LIMA1: variants seen among roughly 807,000 people sequenced by gnomAD.
LIMA1 encodes LIM domain and actin-binding protein 1.
In LIMA1, 52 loss-of-function variants were observed where a neutral mutation model predicts 62.6. The observed-to-expected ratio is 0.83, with a 90% CI of 0.67 to 1.05. The LOEUF (loss-of-function observed/expected upper bound fraction) is 1.05, where lower values mean the gene tolerates loss of function less well. Among genes scored for constraint, LIMA1 ranks in the 50% least tolerant of loss-of-function variants. LIMA1 has a pLI of 0.00. For synonymous variants in LIMA1, 302 were observed against 317.8 expected (o/e 0.95, Z 0.53); for missense variants, 780 against 902.2 (o/e 0.86, Z 1.74).
chr12:50,280,646 G>A (rs1383762715), intron 1 of LIMA1, among the ~76,000 whole-genome samples: 1 of 152,126 alleles, frequency 6.6e-6, no homozygotes, highest in Non-Finnish European at 1.5e-5. Flanking sequence ...TATGAAAAGA[G>A]GTCTTCAGTA....
chr12:50,270,604 C>CAAAAAAAAAAAAAAA (rs150300834), intron 1 of LIMA1, among the ~76,000 whole-genome samples: 1 of 71,694 alleles, frequency 1.4e-5, no homozygotes, highest in Non-Finnish European at 2.6e-5. Flanking sequence ...GACCTTATCT[C>CAAAAAAAAAAAAAAA]AAAAAAAAAA....
At chr12:50,255,998 T>TC (rs796442707) in intron 1 of LIMA1, among the ~76,000 whole-genome samples, 4 of 152,078 alleles carry the variant, frequency 2.6e-5, no homozygotes, top group African/African-American at 9.6e-5. Context: ...CAAGCAATTG[T>TC]CCTGCCTCAG....
At chr12:50,257,635 G>C (rs1325925816) in intron 1 of LIMA1, among the ~76,000 whole-genome samples, 1 of 152,168 alleles carries the variant, frequency 6.6e-6, no homozygotes, top group Non-Finnish European at 1.5e-5. Flanking sequence ...AAGCTCAGTG[G>C]GCTGCCTTTG....
Position 50,177,257 on chromosome 12 carries a change from T to G in LIMA1, c.2087A>C (p.Gln696Pro), listed in dbSNP as rs137923781. 11 of 1,614,024 alleles carry G rather than the reference T, an allele frequency of 6.8e-6. No homozygotes were observed. The highest frequency in any genetic ancestry group is 9.3e-6 in the Non-Finnish European group (11 of 1,180,020). ...SDEDDNSFLK[Q>P]QSPQEPKSLN... ...AGACTTGGGTTCTTGTGGAGATTGT[T>G]GTTTGAGGAAGCTGTTATCATCTTC... is the stretch of plus-strand genomic sequence containing the variant. Residue 696 changes from glutamine to proline, a missense_variant, in exon 11 of 11, where the codon CAA (glutamine) becomes CCA (proline). Transcript: ENST00000341247.
intron 1 of LIMA1, among the ~76,000 whole-genome samples, chr12:50,263,721 C>T (rs1942098700): frequency 6.6e-6 from 1 of 150,820 alleles, no homozygotes; most frequent in Non-Finnish European, 1.5e-5. Flanking sequence ...CTTTGGAAAA[C>T]AGTCTGGTGG....
At chr12:50,192,412 G>C (rs1377418185) in intron 9 of LIMA1, 40 bp downstream of exon 9, 10 of 1,308,198 alleles carry the variant, frequency 7.6e-6, no homozygotes, top group Middle Eastern at 1.8e-4. Flanking sequence ...TCTACCAGTA[G>C]ACCAATGTCC....
At chr12:50,254,157 C>T (rs1177388670) in intron 1 of LIMA1, among the ~76,000 whole-genome samples, 1 of 152,058 alleles carries the variant, frequency 6.6e-6, no homozygotes, top group Non-Finnish European at 1.5e-5. Flanking sequence ...CATTCTACTA[C>T]CACATGAACT....
At chr12:50,193,631 CGT>C (rs67491136) in intron 8 of LIMA1, among the ~76,000 whole-genome samples, 25,501 of 85,592 alleles carry the variant, frequency 0.3, 4,622 homozygotes, top group South Asian at 0.35. Flanking sequence ...CATATATATA[CGT>C]GTGTGTGTGT....
intron 10 of LIMA1, among the ~76,000 whole-genome samples, chr12:50,179,010 C>T (rs530939193): frequency 6.7e-6 from 1 of 149,832 alleles, no homozygotes; most frequent in Admixed American, 6.7e-5. Context: ...GAATCTCGCT[C>T]TGTCGCCCAG....
At chr12:50,184,503 G>A (rs1170945193) in intron 9 of LIMA1, among the ~76,000 whole-genome samples, 1 of 152,152 alleles carries the variant, frequency 6.6e-6, no homozygotes, top group East Asian at 1.9e-4. Context: ...TTAGCTGGGC[G>A]TGGTGGCGGG....
intron 3 of LIMA1, among the ~76,000 whole-genome samples, chr12:50,227,489 C>T (rs768855069): frequency 1.3e-5 from 2 of 152,148 alleles, no homozygotes; most frequent in Non-Finnish European, 2.9e-5. Flanking sequence ...ATCCACCCGC[C>T]TCAGCCGGGA....
At position 50,203,176 on chromosome 12, in the gene LIMA1, A is replaced by AT. The variant is rs555986617; in HGVS notation, c.864+1375dup. On this transcript the variant is annotated intron_variant, in intron 6 of 10. Coordinates refer to ENST00000341247, the MANE Select transcript of LIMA1 (RefSeq NM_016357.5). ...AGGTGTGTGCCACTACACCTGGCTA[A>AT]TTTTTTTTTTGTATTTTTAGTAGAG... is the stretch of plus-strand genomic sequence containing the variant. Among the ~76,000 whole-genome samples, 300 of 142,756 alleles carry AT rather than the reference A, an allele frequency of 2.1e-3. 1 individual carries two copies. The highest frequency in any genetic ancestry group is 3.4e-3 in the Non-Finnish European group (221 of 64,546). 93.7% of individuals were successfully genotyped at this position (142,756 alleles called of 152,430 possible).
intron 4 of LIMA1, among the ~76,000 whole-genome samples, chr12:50,209,727 G>A (rs984403304): frequency 2.7e-4 from 41 of 152,030 alleles, no homozygotes; most frequent in African/African-American, 7.5e-4. Flanking sequence ...ATACAGTGGT[G>A]TGATCTCAGC....
chr12:50,277,378 C>A (rs534499748), intron 1 of LIMA1, among the ~76,000 whole-genome samples: 1 of 152,066 alleles, frequency 6.6e-6, no homozygotes, highest in Non-Finnish European at 1.5e-5. Context: ...TCCAGTCTTT[C>A]CTCAGGCTCT....
intron 2 of LIMA1, 89 bp downstream of exon 2, chr12:50,248,544 A>G (rs1443286638): frequency 1.2e-6 from 1 of 808,238 alleles, no homozygotes; most frequent in Non-Finnish European, 2.1e-6. Context: ...AAATTATTTT[A>G]CATTATGTAC....
intron 1 of LIMA1, among the ~76,000 whole-genome samples, chr12:50,271,342 C>G (rs77489093): frequency 6.7e-6 from 1 of 149,576 alleles, no homozygotes; most frequent in Non-Finnish European, 1.5e-5. Flanking sequence ...CTTTCCTAAT[C>G]TTTTTTTTTT....
intron 5 of LIMA1, among the ~76,000 whole-genome samples, chr12:50,205,355 G>C (rs935190585): frequency 6.6e-6 from 1 of 151,768 alleles, no homozygotes; most frequent in Non-Finnish European, 1.5e-5. Flanking sequence ...TTATAGGTCT[G>C]AGCCACCATG....
chr12:50,190,444 C>T (rs1592500520), intron 9 of LIMA1, among the ~76,000 whole-genome samples: 1 of 150,542 alleles, frequency 6.6e-6, no homozygotes, highest in Admixed American at 6.6e-5. Context: ...CTCGGTTCAC[C>T]ACAACCTCTG....
intron 3 of LIMA1, among the ~76,000 whole-genome samples, chr12:50,230,499 A>G (rs1941594145): frequency 6.6e-6 from 1 of 152,218 alleles, no homozygotes; most frequent in Non-Finnish European, 1.5e-5. Context: ...TTGGGGGAAA[A>G]ACAGAGGCAA....
Sources: gnomAD v4.1 joint callset for allele counts (sites outside exome capture counted in the v4.1 genomes callset) on GRCh38, gnomAD v4.1.1 for gene constraint, MANE v1.5 for transcripts, NCBI Gene and HGNC (gene_info 2026-07-23, HGNC 2026-07-21) for gene names.